Variants in HMCN1 observed in about 807,000 individuals in gnomAD.
HMCN1 encodes the protein hemicentin-1.
Under a neutral mutation model 625.9 loss-of-function variants are expected in HMCN1, and 321 were observed. That is an observed-to-expected ratio of 0.51 (90% CI 0.47 to 0.56). The LOEUF (loss-of-function observed/expected upper bound fraction) is 0.56. Ranked by LOEUF, HMCN1 falls within the 20% of genes least tolerant of loss-of-function variation. The pLI is 0.00. For missense variants in HMCN1, 6,588 were observed against 6,887.3 expected (o/e 0.96, Z 1.54); for synonymous variants, 2,425 against 2,417.6 (o/e 1.00, Z -0.09).
Position 186,087,350 on chromosome 1 carries a change from A to C in HMCN1, c.9160+20A>C. On this transcript the variant is annotated intron_variant, in intron 59 of 106. Transcript: ENST00000271588. ...TTTATGGTTCGTTTTTACTCTCTTC[A>C]TAAAATTCTTTTATTTTAAAACTGG... is the stretch of plus-strand genomic sequence containing the variant. 6.2e-7 allele frequency: 1 copy of C among 1,604,762 alleles called. No individual in the cohort carries two copies. The highest frequency in any genetic ancestry group is 8.5e-7 in the Non-Finnish European group (1 of 1,171,878).
intron 1 of HMCN1, among the ~76,000 whole-genome samples, chr1:185,840,121 G>C (rs1284051556): frequency 6.6e-6 from 1 of 152,172 alleles, no homozygotes; most frequent in Non-Finnish European, 1.5e-5. Flanking sequence ...TTGTTGATTA[G>C]ATGCAGATCA....
At chr1:186,023,284 T>G in intron 36 of HMCN1, 131 bp downstream of exon 36, 1 of 736,278 alleles carries the variant, frequency 1.4e-6, no homozygotes, top group Non-Finnish European at 2.2e-6. Flanking sequence ...AAAAAAAACC[T>G]AGGGTTTTTT....
At position 186,120,268 on chromosome 1, in the gene HMCN1, C is replaced by A; in HGVS notation, c.12229+123C>A. The stretch of plus-strand genomic sequence containing the variant: ...CATAGTTCTCGACATTCTTAGTTTG[C>A]ATTATCCTATTGGTTTTTCTATCAC... On this transcript the variant is annotated intron_variant, in intron 80 of 106. Coordinates refer to ENST00000271588, the MANE Select transcript of HMCN1 (RefSeq NM_031935.3). 3.6e-6 allele frequency: 4 copies of A among 1,101,388 alleles called. No individual in the cohort carries two copies. The South Asian group carries it at 6.1e-5, about 17-fold the overall frequency. 68.2% of individuals were successfully genotyped at this position (1,101,388 alleles called of 1,614,324 possible).
At chr1:185,930,360 CT>C (rs1454698676) in intron 10 of HMCN1, among the ~76,000 whole-genome samples, 4 of 152,118 alleles carry the variant, frequency 2.6e-5, no homozygotes, top group Non-Finnish European at 4.4e-5. Context: ...GTACACCAGC[CT>C]TTAAGCTCCA....
chr1:185,977,689 T>C (rs1225652459), intron 15 of HMCN1, 98 bp from the exon 16 acceptor site: 5 of 832,098 alleles, frequency 6.0e-6, no homozygotes, highest in Non-Finnish European at 1.0e-5. Flanking sequence ...TGAACAATAA[T>C]TCAAATTCAA....
At chr1:186,164,904 G>A (rs1334548191) in intron 97 of HMCN1, among the ~76,000 whole-genome samples, 1 of 152,320 alleles carries the variant, frequency 6.6e-6, no homozygotes, top group East Asian at 1.9e-4. Flanking sequence ...TCCAGTGGCA[G>A]CTTGTCAACA....
At chr1:186,122,782 A>G (rs1214444720) in intron 80 of HMCN1, among the ~76,000 whole-genome samples, 169 bp from the exon 81 acceptor site, 1 of 152,204 alleles carries the variant, frequency 6.6e-6, no homozygotes, top group Admixed American at 6.5e-5. Flanking sequence ...AAGTGCGCCC[A>G]GATAATTTTT....
At chr1:185,858,834 CA>C (rs1414901060) in intron 2 of HMCN1, among the ~76,000 whole-genome samples, 4 of 151,446 alleles carry the variant, frequency 2.6e-5, no homozygotes, top group Non-Finnish European at 5.9e-5. Flanking sequence ...CCATTACTTC[CA>C]ATTTTTAAAT....
chr1:186,162,397 A>C (rs1651560965), intron 97 of HMCN1, among the ~76,000 whole-genome samples: 1 of 152,054 alleles, frequency 6.6e-6, no homozygotes, highest in Non-Finnish European at 1.5e-5. Context: ...TGATCATCTG[A>C]AGCCTTCTTC....
At chr1:185,773,806 A>G (rs1468008340) in intron 1 of HMCN1, among the ~76,000 whole-genome samples, 1 of 152,196 alleles carries the variant, frequency 6.6e-6, no homozygotes, top group Non-Finnish European at 1.5e-5. Context: ...CAAAAAGGTT[A>G]TGATTAGAGT....
chr1:186,165,181 CA>C lies in HMCN1; in HGVS notation c.15319+9del. On this transcript the variant is annotated intron_variant, in intron 98 of 106. Transcript: ENST00000271588. ...TTGGACCTTTTTGTGCTGGTAAGTA[CA>C]GAGATAAATAAAGGGTTTTCTTTTA... 1.2e-6 allele frequency: 2 copies of C among 1,610,998 alleles called. No individual in the cohort carries two copies. The highest frequency in any genetic ancestry group is 1.7e-6 in the Non-Finnish European group (2 of 1,177,270).
intron 78 of HMCN1, 109 bp downstream of exon 78, chr1:186,119,407 A>G (rs1571378702): frequency 1.1e-6 from 1 of 872,356 alleles, no homozygotes; most frequent in South Asian, 1.3e-5. Context: ...AACCATAGTA[A>G]TATCTTGGGG....
chr1:186,073,587 T>C (rs1658606146), intron 52 of HMCN1, among the ~76,000 whole-genome samples: 2 of 152,066 alleles, frequency 1.3e-5, no homozygotes, highest in South Asian at 4.1e-4. Flanking sequence ...ATTCTCAGAA[T>C]GAGCAGAAAC....
At chr1:185,978,619 T>G (rs1243385739) in intron 16 of HMCN1, among the ~76,000 whole-genome samples, 1 of 152,132 alleles carries the variant, frequency 6.6e-6, no homozygotes, top group Non-Finnish European at 1.5e-5. Flanking sequence ...ATGGGATGTT[T>G]GGGGTATTTT....
At chr1:185,884,317 GC>G (rs1342111373) in intron 4 of HMCN1, among the ~76,000 whole-genome samples, 3 of 151,782 alleles carry the variant, frequency 2.0e-5, no homozygotes, top group Admixed American at 6.6e-5. Flanking sequence ...CTTACCTTTT[GC>G]ATGCACAGAT....
chr1:185,837,776 T>G (rs1661257855), intron 1 of HMCN1, among the ~76,000 whole-genome samples: 1 of 152,218 alleles, frequency 6.6e-6, no homozygotes, highest in Non-Finnish European at 1.5e-5. Context: ...AGTAAATGGT[T>G]CCTCTTTTAA....
In HMCN1 at chr1:186,088,716, G is replaced by C; in HGVS notation, c.9688G>C (p.Glu3230Gln). ...CTATACATGTATTGCTTCAAATATG[G>C]AGGGAAAAGCCCAGAAATATTACTT... ...GNYTCIASNM[E>Q]GKAQKYYFLS... Residue 3230 changes from glutamate to glutamine, a missense_variant, in exon 63 of 107, where the codon GAG becomes CAG. By Grantham distance (29) the Glu-to-Gln change is conservative (BLOSUM62 2). Around this residue, in one of 3 missense-constraint regions of HMCN1, gnomAD observed 4,628 missense variants for 4,853.1 expected, o/e 0.95. Coordinates refer to ENST00000271588, the MANE Select transcript of HMCN1 (RefSeq NM_031935.3). 1 of 1,610,780 alleles carries C rather than the reference G, an allele frequency of 6.2e-7. No individual in the cohort carries two copies. Among genetic ancestry groups the C allele is most frequent in the East Asian group, 2.2e-5 (1 of 44,728 alleles).
intron 15 of HMCN1, among the ~76,000 whole-genome samples, chr1:185,975,362 G>A (rs1186054234): frequency 6.6e-6 from 1 of 152,120 alleles, no homozygotes; most frequent in Non-Finnish European, 1.5e-5. Context: ...TATAATCATG[G>A]CAGAAGGCAA....
At chr1:186,009,789 G>A (rs1201345255) in intron 30 of HMCN1, among the ~76,000 whole-genome samples, 2 of 152,160 alleles carry the variant, frequency 1.3e-5, no homozygotes, top group East Asian at 3.9e-4. Flanking sequence ...AGGAGATTGT[G>A]CAGATTTACT....
Sources: allele counts gnomAD v4.1 joint callset (sites outside exome capture counted in the v4.1 genomes callset), GRCh38; gene constraint gnomAD v4.1.1; regional missense constraint gnomAD v4.1.1; transcripts MANE v1.5; gene names NCBI Gene and HGNC (gene_info 2026-07-23, HGNC 2026-07-21).